NTRK3: variants seen among roughly 807,000 people sequenced by gnomAD.
The protein encoded by NTRK3 is neurotrophic receptor tyrosine kinase 3.
Under a neutral mutation model 91.7 loss-of-function variants are expected in NTRK3, and 24 were observed. The ratio of observed to expected loss-of-function variants is 0.26; its 90% CI spans 0.19 to 0.37. NTRK3 has a LOEUF of 0.37. Ranked by LOEUF, NTRK3 falls within the 10% of genes least tolerant of loss-of-function variation. The pLI is 1.00. For missense variants in NTRK3, 880 were observed against 1,068.9 expected (o/e 0.82, Z 2.46); for synonymous variants, 483 against 404.0 (o/e 1.20, Z -2.34).
intron 13 of NTRK3, among the ~76,000 whole-genome samples, chr15:88,076,472 ATCCCCTAG>A (rs2047553659): frequency 6.6e-6 from 1 of 152,046 alleles, no homozygotes; most frequent in South Asian, 2.1e-4. Context: ...TCATCCTCTA[ATCCCCTAG>A]TGCACCAGAT....
In NTRK3 at chr15:88,144,526, T is replaced by C. The variant is rs114091647; in HGVS notation, c.464+2809A>G. Reference sequence around the variant, plus strand: ...GGCTTCTGGAAGGAGAGGCCGAGCATGTAGGGTGTGTTGCTTGAGTCAGGT... The same window carrying C: ...GGCTTCTGGAAGGAGAGGCCGAGCACGTAGGGTGTGTTGCTTGAGTCAGGT... On this transcript the variant is annotated intron_variant, in intron 6 of 18. Transcript: ENST00000394480. Among the ~76,000 whole-genome samples, 339 of 152,224 alleles carry C rather than the reference T, an allele frequency of 2.2e-3. 3 individuals are homozygous for C. Among genetic ancestry groups the C allele is most frequent in the African/African-American group, 7.6e-3 (316 of 41,534 alleles).
At chr15:87,928,068 C>T (rs2068478971) in intron 17 of NTRK3, 1 of 152,366 alleles carries the variant, frequency 6.6e-6, no homozygotes, top group East Asian at 1.9e-4. Flanking sequence ...CAATCTCCAC[C>T]TCCCAGGTTC....
rs533942110 is a variant in NTRK3 at position 88,233,230 on chromosome 15, A to AC, written c.248+22675dup. ...CCGTAGAGCACATTGCCAATAAATA[A>AC]CCCCCCCGCCCCCAGTGTAATCTCT... On this transcript the variant is annotated intron_variant, in intron 3 of 18. Transcript: ENST00000394480. The surrounding 1 kb of genome is among the most constrained non-coding windows in gnomAD (Gnocchi z 4.2). 7.4e-4 allele frequency among the ~76,000 whole-genome samples: 112 copies of AC among 151,232 alleles called. 2 individuals are homozygous for AC. In the East Asian group the frequency reaches 0.017, roughly 23 times the overall value.
chr15:87,888,940 T>C (rs11638486), intron 17 of NTRK3, among the ~76,000 whole-genome samples: 92,412 of 151,996 alleles, frequency 0.61, 29,921 homozygotes, highest in Non-Finnish European at 0.72. Context: ...ATCTCACTCC[T>C]TTTGGCTCTG....
At chr15:87,971,115 T>C (rs907057873) in intron 14 of NTRK3, among the ~76,000 whole-genome samples, 2 of 152,224 alleles carry the variant, frequency 1.3e-5, no homozygotes, top group Non-Finnish European at 2.9e-5. Flanking sequence ...CTGTGAGTCA[T>C]TTAAACATGA....
intron 14 of NTRK3, among the ~76,000 whole-genome samples, chr15:87,963,764 G>A (rs778369613): frequency 2.6e-5 from 4 of 152,126 alleles, no homozygotes; most frequent in African/African-American, 4.8e-5. Flanking sequence ...GTAAATTGAG[G>A]AGCATCTGTA....
chr15:88,255,950 G>C lies in NTRK3; in HGVS notation c.204C>G (p.Asn68Lys), dbSNP rs1220570284. Residue 68 changes from asparagine (N) to lysine (K), a missense_variant, in exon 3 of 19, where the codon AAC (asparagine) becomes AAG (lysine). Physicochemically the swap from Asn to Lys is moderately conservative, Grantham distance 94 (BLOSUM62 0). Around this residue, in one of 3 missense-constraint regions of NTRK3, gnomAD observed 743 missense variants for 868.6 expected, o/e 0.86. Coordinates refer to ENST00000394480, the Ensembl canonical transcript of NTRK3. This position sits in a 1 kb window ranked among gnomAD's most constrained non-coding sequence, Gnocchi z 4.3. ...AGATGTCCGTGATGTTGATACTGGC[G>C]TTCCCATTGCTGTTCCCTGAATCCT... 6.2e-7 allele frequency: 1 copy of C among 1,613,500 alleles called. No homozygotes were observed. The highest frequency in any genetic ancestry group is 2.2e-5 in the East Asian group (1 of 44,800).
chr15:87,913,881 T>C (rs573343673), intron 17 of NTRK3, among the ~76,000 whole-genome samples: 8 of 152,306 alleles, frequency 5.3e-5, no homozygotes, highest in African/African-American at 1.9e-4. Flanking sequence ...TTGATACAGA[T>C]GAAGAAATAA....
At chr15:87,909,435 A>G (rs1034296946) in intron 17 of NTRK3, among the ~76,000 whole-genome samples, 2 of 152,148 alleles carry the variant, frequency 1.3e-5, no homozygotes, top group African/African-American at 2.4e-5. Context: ...CCTGGAGGAG[A>G]GGCAGATTCA....
intron 3 of NTRK3, 136 bp from the exon 4 acceptor site, chr15:88,184,435 C>A (rs2046784885): frequency 2.4e-6 from 2 of 848,554 alleles, no homozygotes. Context: ...CCAAATAAAT[C>A]TGAGCCTCAG....
chr15:88,006,892 C>G (rs1290755223), intron 14 of NTRK3, among the ~76,000 whole-genome samples: 1 of 152,112 alleles, frequency 6.6e-6, no homozygotes, highest in Non-Finnish European at 1.5e-5. Flanking sequence ...TAAGATAACC[C>G]CACGAGTAAT....
At chr15:88,088,093 A>C (rs560515550) in intron 13 of NTRK3, among the ~76,000 whole-genome samples, 10 of 152,286 alleles carry the variant, frequency 6.6e-5, no homozygotes, top group African/African-American at 2.4e-4. Flanking sequence ...TTGTGTGTAA[A>C]TCAAGCCTCA....
intron 17 of NTRK3, among the ~76,000 whole-genome samples, chr15:87,895,638 C>A (rs1399853453): frequency 7.2e-5 from 11 of 152,148 alleles, no homozygotes; most frequent in Admixed American, 7.2e-4. Flanking sequence ...TCCTCTCTTT[C>A]CAGATCTGGG....
At chr15:88,246,933 ACGCCCGGCTCCCGCC>A (rs71843998) in intron 3 of NTRK3, among the ~76,000 whole-genome samples, 5,648 of 152,212 alleles carry the variant, frequency 0.037, 323 homozygotes, top group African/African-American at 0.12. Flanking sequence ...CTAGCGCCAC[ACGCCCGGCTCCCGCC>A]CTGGGAAGCC....
chr15:87,862,075 A>T (rs915723332), exon 19 of NTRK3: 6 of 214,262 alleles, frequency 2.8e-5, no homozygotes, highest in African/African-American at 4.5e-5. Context: ...ATAAGACAAA[A>T]CTCCTCTATT....
intron 14 of NTRK3, among the ~76,000 whole-genome samples, chr15:87,960,382 T>A (rs922909454): frequency 2.6e-5 from 4 of 152,228 alleles, no homozygotes; most frequent in African/African-American, 9.6e-5. Context: ...CTCCTTTTTT[T>A]TCCATCTACT....
chr15:87,929,298 C>T (rs2141912233), exon 17 of NTRK3: 1 of 1,614,172 alleles, frequency 6.2e-7, no homozygotes, highest in East Asian at 2.2e-5. Flanking sequence ...TCTCGGTGCA[C>T]AAAGTGCTGG....
Position 87,888,772 on chromosome 15 carries a change from C to CT in NTRK3, c.2134-8345dup, listed in dbSNP as rs796355818. 4.4e-3 allele frequency among the ~76,000 whole-genome samples: 642 copies of CT among 147,180 alleles called. 11 individuals are homozygous for CT. The highest frequency in any genetic ancestry group is 0.02 in the East Asian group (101 of 5,068). ...CATACTCATACTAAAAATATGTTGGCTTTTTTTTTTGTCTAAAATTCAAAT... is the reference window on the plus strand; with the variant it reads ...CATACTCATACTAAAAATATGTTGGCTTTTTTTTTTTGTCTAAAATTCAAAT... On this transcript the variant is annotated intron_variant, in intron 17 of 18. Transcript: ENST00000394480.
intron 3 of NTRK3, among the ~76,000 whole-genome samples, chr15:88,190,086 G>A (rs1597856206): frequency 1.3e-5 from 2 of 152,194 alleles, no homozygotes; most frequent in Non-Finnish European, 2.9e-5. Context: ...ACAGGAACTC[G>A]GTCGGTGGGA....
Sources: gnomAD v4.1 joint callset for allele counts (sites outside exome capture counted in the v4.1 genomes callset) on GRCh38, gnomAD v4.1.1 for gene constraint, gnomAD v4.1.1 regional missense constraint, Gnocchi (gnomAD v3.1) non-coding constraint, MANE v1.5 for transcripts, NCBI Gene and HGNC (gene_info 2026-07-23, HGNC 2026-07-21) for gene names.